CEP135: variants seen among roughly 807,000 people sequenced by gnomAD.
CEP135 encodes the protein centrosomal protein 135.
Under a neutral mutation model 157.3 loss-of-function variants are expected in CEP135, and 142 were observed. That is an observed-to-expected ratio of 0.90 (90% CI 0.79 to 1.04). CEP135 has a LOEUF of 1.04. CEP135 is among the 50% of genes least tolerant of loss of function. The pLI is 0.00. For synonymous variants in CEP135, 396 were observed against 439.8 expected (o/e 0.90, Z 1.25); for missense variants, 1,317 against 1,309.2 (o/e 1.01, Z -0.09).
At chr4:55,981,117 G>A (rs1371091635) in intron 12 of CEP135, 110 bp from the exon 13 acceptor site, 10 of 908,258 alleles carry the variant, frequency 1.1e-5, no homozygotes, top group Non-Finnish European at 1.6e-5. Context: ...AGAGAGTGAC[G>A]GTAGCATGTG....
At chr4:56,011,305 GC>G (rs1010901343) in intron 19 of CEP135, 106 bp from the exon 20 acceptor site, 2 of 721,366 alleles carry the variant, frequency 2.8e-6, no homozygotes, top group African/African-American at 3.7e-5. Context: ...TTTTCCTTTT[GC>G]CCTACTCTAT....
intron 22 of CEP135, among the ~76,000 whole-genome samples, chr4:56,018,720 A>G (rs998874451): frequency 2.0e-5 from 3 of 152,242 alleles, no homozygotes; most frequent in Admixed American, 2.0e-4. Flanking sequence ...AGATTGTGCC[A>G]CTGCACTCCA....
intron 21 of CEP135, among the ~76,000 whole-genome samples, chr4:56,012,664 C>A (rs1324196429): frequency 1.3e-5 from 2 of 152,126 alleles, no homozygotes; most frequent in East Asian, 3.8e-4. Context: ...TTTCACTTAG[C>A]CTTAAGGTTT....
Position 56,011,342 on chromosome 4 carries a change from A to G in CEP135, c.2506-70A>G, listed in dbSNP as rs1015625217. The G allele has an allele frequency of 5.9e-6, 6 of 1,019,484 alleles. No homozygotes were observed. In the African/African-American group the frequency reaches 8.3e-5, roughly 14 times the overall value. The allele number at this position is 1,019,484 out of a possible 1,614,324, so 63.2% of individuals were successfully genotyped here. The stretch of plus-strand genomic sequence containing the variant: ...CTTATTCTCCAATTCCAAAGGAATT[A>G]TTTGAATATAAATAAAATTTATTTG... On this transcript the variant is annotated intron_variant, in intron 19 of 25. Coordinates refer to ENST00000257287, the MANE Select transcript of CEP135 (RefSeq NM_025009.5).
At chr4:56,008,714 T>G (rs1259449360) in intron 18 of CEP135, among the ~76,000 whole-genome samples, 2 of 152,232 alleles carry the variant, frequency 1.3e-5, no homozygotes, top group Non-Finnish European at 2.9e-5. Flanking sequence ...ATTCTCCATC[T>G]AAACCTATCT....
intron 9 of CEP135, among the ~76,000 whole-genome samples, chr4:55,969,402 G>A (rs1728946643): frequency 6.8e-6 from 1 of 148,024 alleles, no homozygotes; most frequent in Non-Finnish European, 1.5e-5. Flanking sequence ...ACTCCAGCCT[G>A]GGCAACAAGA....
chr4:56,015,455 C>T (rs1730740512), intron 21 of CEP135, among the ~76,000 whole-genome samples: 1 of 152,242 alleles, frequency 6.6e-6, no homozygotes, highest in Non-Finnish European at 1.5e-5. Flanking sequence ...TGTCTGTCTG[C>T]TTGGTTTCAG....
chr4:55,985,210 C>A (rs1729536690), intron 13 of CEP135, 71 bp from the exon 14 acceptor site: 2 of 740,194 alleles, frequency 2.7e-6, no homozygotes, highest in Non-Finnish European at 4.7e-6. Context: ...TGTAGACTTA[C>A]ATTGCTTACT....
intron 8 of CEP135, among the ~76,000 whole-genome samples, chr4:55,967,046 A>G (rs1054692416): frequency 6.6e-6 from 1 of 152,002 alleles, no homozygotes; most frequent in Non-Finnish European, 1.5e-5. Flanking sequence ...AAATCTTTTC[A>G]TGATCATACT....
intron 10 of CEP135, among the ~76,000 whole-genome samples, chr4:55,971,956 G>T (rs900054159): frequency 1.3e-5 from 2 of 152,072 alleles, no homozygotes; most frequent in Non-Finnish European, 2.9e-5. Context: ...TTCAAGATCA[G>T]CCTGGCTAAC....
chr4:56,029,619 A>C (rs1731272677), intron 25 of CEP135, among the ~76,000 whole-genome samples: 1 of 152,140 alleles, frequency 6.6e-6, no homozygotes, highest in Non-Finnish European at 1.5e-5. Flanking sequence ...GTACTTACAC[A>C]AACCTAGATG....
At chr4:56,001,920 C>G (rs1205365792) in intron 17 of CEP135, among the ~76,000 whole-genome samples, 1 of 151,904 alleles carries the variant, frequency 6.6e-6, no homozygotes, top group African/African-American at 2.4e-5. Context: ...TCTTCTATTT[C>G]TTTCATCAGT....
intron 10 of CEP135, among the ~76,000 whole-genome samples, chr4:55,971,880 G>C (rs1428270445): frequency 6.6e-6 from 1 of 152,134 alleles, no homozygotes; most frequent in African/African-American, 2.4e-5. Flanking sequence ...GCTGGGCGCG[G>C]TGGCTCACAC....
At chr4:55,953,299 T>A in intron 3 of CEP135, 24 bp downstream of exon 3, 2 of 1,423,470 alleles carry the variant, frequency 1.4e-6, no homozygotes, top group Non-Finnish European at 1.9e-6. Context: ...TGATAATTTT[T>A]AAAATGCAAT....
chr4:55,973,279 C>T (rs568926601), intron 10 of CEP135, among the ~76,000 whole-genome samples: 56 of 152,294 alleles, frequency 3.7e-4, no homozygotes, highest in Middle Eastern at 3.4e-3. Flanking sequence ...GACTGCTCAG[C>T]GCTGTATGGA....
In CEP135 at chr4:55,985,299, C is replaced by A; in HGVS notation, c.1798C>A (p.Leu600Ile). 1.9e-6 allele frequency: 3 copies of A among 1,585,486 alleles called. No homozygotes were observed. Among genetic ancestry groups the A allele is most frequent in the South Asian group, 2.2e-5 (2 of 89,850 alleles). ...EKLEHIEEVS[L>I]FGKSELEKTI... is the part of the protein sequence containing the mutation. ...TTTTCAGCATATTGAAGAAGTGAGT[C>A]TTTTTGGAAAATCAGAATTAGAGAA... is the stretch of plus-strand genomic sequence containing the variant. The change falls in exon 14 of 26, where the codon CTT becomes ATT. Residue 600 changes from leucine to isoleucine, a missense_variant. By Grantham distance (5) the Leu-to-Ile change is conservative (BLOSUM62 2). Transcript: ENST00000257287.
chr4:56,023,555 GTCTA>G (rs945242172), intron 24 of CEP135, among the ~76,000 whole-genome samples: 10 of 149,388 alleles, frequency 6.7e-5, no homozygotes, highest in East Asian at 1.9e-4. Context: ...TTTTGTGTGT[GTCTA>G]TCTGTGTGTT....
chr4:55,981,216 C>T lies in CEP135; in HGVS notation c.1627-11C>T, dbSNP rs760397407. On this transcript the variant is annotated splice_polypyrimidine_tract_variant and intron_variant, in intron 12 of 25. Coordinates refer to ENST00000257287, the MANE Select transcript of CEP135 (RefSeq NM_025009.5). ...AGTGCCTTTTTAATTTATATCTTTT[C>T]ATTCTTTAAGGCTCAGGAAGAATTA... The T allele has an allele frequency of 6.4e-6, 10 of 1,559,982 alleles. No individual in the cohort carries two copies. Among genetic ancestry groups the T allele is most frequent in the South Asian group, 1.3e-5 (1 of 79,412 alleles).
Position 56,024,557 on chromosome 4 carries a change from C to T in CEP135, c.3377C>T (p.Ser1126Phe). ...GGTCTTGCTACACCACCCCTTAGTT[C>T]CACTCTGAGGTCTCCTTCACATTCT... ...RHGLATPPLS[S>F]TLRSPSHSPE... The change falls in exon 25 of 26, where the codon TCC becomes TTC. Residue 1126 changes from serine to phenylalanine, a missense_variant. By Grantham distance (155) the Ser-to-Phe change is radical. Coordinates refer to ENST00000257287, the MANE Select transcript of CEP135 (RefSeq NM_025009.5). The T allele has an allele frequency of 6.2e-7, 1 of 1,613,790 alleles. No individual in the cohort carries two copies. The highest frequency in any genetic ancestry group is 8.5e-7 in the Non-Finnish European group (1 of 1,179,802).
Sources: allele counts gnomAD v4.1 joint callset (sites outside exome capture counted in the v4.1 genomes callset), GRCh38; gene constraint gnomAD v4.1.1; transcripts MANE v1.5; gene names NCBI Gene and HGNC (gene_info 2026-07-23, HGNC 2026-07-21).